Variants in CPS1 observed in about 807,000 individuals in gnomAD.
CPS1 encodes the protein carbamoyl-phosphate synthase [ammonia], mitochondrial.
Under a neutral mutation model 174.6 loss-of-function variants are expected in CPS1, and 109 were observed. The observed-to-expected ratio is 0.62, with a 90% CI of 0.53 to 0.73. The LOEUF (loss-of-function observed/expected upper bound fraction) is 0.73. CPS1 is among the 30% of genes least tolerant of loss of function. The pLI, the probability that CPS1 is intolerant of heterozygous loss-of-function variation, is 0.00. For missense variants in CPS1, 1,689 were observed against 1,821.9 expected (o/e 0.93, Z 1.33); for synonymous variants, 637 against 632.0 (o/e 1.01, Z -0.12).
intron 1 of CPS1, among the ~76,000 whole-genome samples, chr2:210,482,311 T>TC (rs1694591639): frequency 6.6e-6 from 1 of 151,878 alleles, no homozygotes; most frequent in Admixed American, 6.6e-5. Context: ...AATCCCTTTT[T>TC]TTTTTTTTCT....
intron 1 of CPS1, among the ~76,000 whole-genome samples, chr2:210,513,269 TA>T (rs1359943731): frequency 1.3e-5 from 2 of 151,300 alleles, no homozygotes; most frequent in African/African-American, 4.8e-5. Flanking sequence ...CTTTCTACAG[TA>T]GCTGAGCTAA....
intron 17 of CPS1, among the ~76,000 whole-genome samples, chr2:210,605,502 TAGAAATA>T (rs1163333547): frequency 6.6e-6 from 1 of 151,790 alleles, no homozygotes; most frequent in Non-Finnish European, 1.5e-5. Flanking sequence ...AGCAATATGG[TAGAAATA>T]AGATCCATAA....
At chr2:210,494,984 T>C (rs1290141565) in intron 1 of CPS1, among the ~76,000 whole-genome samples, 1 of 152,162 alleles carries the variant, frequency 6.6e-6, no homozygotes, top group African/African-American at 2.4e-5. Flanking sequence ...ACCAATTAAA[T>C]TAGAGCCTTT....
chr2:210,644,142 G>A (rs1368776536), intron 25 of CPS1, among the ~76,000 whole-genome samples: 1 of 151,978 alleles, frequency 6.6e-6, no homozygotes, highest in Non-Finnish European at 1.5e-5. Flanking sequence ...AATTATACAT[G>A]GCTATTAATG....
chr2:210,620,170 A>C (rs1699461082), intron 21 of CPS1, among the ~76,000 whole-genome samples: 1 of 152,200 alleles, frequency 6.6e-6, no homozygotes, highest in Admixed American at 6.5e-5. Flanking sequence ...AGCTTCAAAC[A>C]ATATATTTTA....
intron 1 of CPS1, among the ~76,000 whole-genome samples, chr2:210,489,265 T>A (rs927679087): frequency 2.6e-5 from 4 of 152,218 alleles, no homozygotes; most frequent in African/African-American, 9.6e-5. Context: ...TCCTAATGGA[T>A]ACTCTTTGTA....
intron 14 of CPS1, 112 bp from the exon 15 acceptor site, chr2:210,600,443 A>C (rs1400297995): frequency 2.0e-6 from 2 of 1,020,642 alleles, no homozygotes; most frequent in Non-Finnish European, 1.5e-6. Flanking sequence ...TATTGTAGAC[A>C]GTGGTAACTT....
At chr2:210,499,427 A>G (rs565583202) in intron 1 of CPS1, among the ~76,000 whole-genome samples, 2 of 152,234 alleles carry the variant, frequency 1.3e-5, no homozygotes, top group East Asian at 3.9e-4. Context: ...GGAGAGCACA[A>G]TTCCAGTGCC....
At chr2:210,486,645 G>A (rs1694736446) in intron 1 of CPS1, among the ~76,000 whole-genome samples, 2 of 152,146 alleles carry the variant, frequency 1.3e-5, no homozygotes, top group Admixed American at 6.5e-5. Context: ...TAAGTAACTG[G>A]GATTACAGGC....
In CPS1 at chr2:210,481,504, T is replaced by C. The variant is rs563843491; in HGVS notation, c.3+3738T>C. Among the ~76,000 whole-genome samples, 414 of 152,318 alleles carry C rather than the reference T, an allele frequency of 2.7e-3. 1 individual carries two copies. Among genetic ancestry groups the C allele is most frequent in the African/African-American group, 9.5e-3 (396 of 41,570 alleles). ...AAAACTCAGCCATGGAAAGATGATA[T>C]ATTACCAAAGCCCTGCATTGTCCCA... On this transcript the variant is annotated intron_variant, in intron 1 of 38. Transcript: ENST00000430249.
At chr2:210,633,861 C>T (rs924742846) in intron 21 of CPS1, among the ~76,000 whole-genome samples, 1 of 152,088 alleles carries the variant, frequency 6.6e-6, no homozygotes, top group Admixed American at 6.5e-5. Flanking sequence ...ATGGTGCTGC[C>T]GTGTTAGCCC....
intron 1 of CPS1, among the ~76,000 whole-genome samples, chr2:210,570,564 G>A (rs1017846175): frequency 3.9e-5 from 6 of 151,948 alleles, no homozygotes; most frequent in Admixed American, 3.3e-4. Flanking sequence ...AAGCAAGCAT[G>A]TCTCAGAGTA....
chr2:210,600,736 A>T (rs1478734329), intron 15 of CPS1, 24 bp downstream of exon 15: 5 of 1,610,858 alleles, frequency 3.1e-6, no homozygotes, highest in Non-Finnish European at 4.2e-6. Flanking sequence ...GCTTTGGAAA[A>T]ACAAGGGCAT....
intron 22 of CPS1, among the ~76,000 whole-genome samples, chr2:210,638,192 A>G (rs935893637): frequency 2.0e-5 from 3 of 152,216 alleles, no homozygotes; most frequent in African/African-American, 7.2e-5. Context: ...GAAGGACTTG[A>G]AATTTCCTAG....
intron 30 of CPS1, among the ~76,000 whole-genome samples, chr2:210,656,943 T>G (rs1312744232): frequency 6.6e-6 from 1 of 152,150 alleles, no homozygotes; most frequent in Non-Finnish European, 1.5e-5. Flanking sequence ...GATTTCATAT[T>G]TCTGGATCGG....
At chr2:210,592,012 G>A (rs758953747) in intron 10 of CPS1, 43 bp downstream of exon 10, 16 of 1,590,080 alleles carry the variant, frequency 1.0e-5, no homozygotes, top group African/African-American at 1.3e-5. Context: ...GATGAGAAAC[G>A]CAGGGCTTTT....
chr2:210,678,594 T>A lies in CPS1; in HGVS notation c.*609T>A, dbSNP rs1701608077. On this transcript the variant is annotated 3_prime_UTR_variant, in exon 38 of 38. Transcript: ENST00000233072. ...TAGAGTATGGACTTTTCTTTTCTTT[T>A]TCTTTTTCTTTTTTTCTTTTTGAGA... The A allele has an allele frequency of 6.5e-6, 1 of 154,034 alleles. No individual in the cohort carries two copies. The allele number at this position is 154,034 out of a possible 1,614,324, so 9.5% of individuals were successfully genotyped here. A position where few individuals can be genotyped will look rare whatever the true frequency, so the allele number is the denominator to read the frequency against.
chr2:210,594,364 CAAAA>C, intron 11 of CPS1, 140 bp from the exon 12 acceptor site: 1 of 643,304 alleles, frequency 1.6e-6, no homozygotes, highest in African/African-American at 1.8e-5. Flanking sequence ...TAGTTATTGA[CAAAA>C]AAGCAAAAAA....
At chr2:210,536,783 T>C (rs1696266785) in intron 1 of CPS1, among the ~76,000 whole-genome samples, 1 of 152,210 alleles carries the variant, frequency 6.6e-6, no homozygotes, top group African/African-American at 2.4e-5. Context: ...CCTGATCTTA[T>C]ATCCATTAAG....
Sources: allele counts gnomAD v4.1 joint callset (sites outside exome capture counted in the v4.1 genomes callset), GRCh38; gene constraint gnomAD v4.1.1; transcripts MANE v1.5; gene names NCBI Gene and HGNC (gene_info 2026-07-23, HGNC 2026-07-21).